Variants in SDK1 observed in about 807,000 individuals in gnomAD.
SDK1 encodes sidekick cell adhesion molecule 1, also known as protein sidekick-1.
In SDK1, 157 loss-of-function variants were observed where a neutral mutation model predicts 245.5. The ratio of observed to expected loss-of-function variants is 0.64; its 90% CI spans 0.56 to 0.73. The LOEUF is 0.73. Among genes scored for constraint, SDK1 ranks in the 30% least tolerant of loss-of-function variants. The pLI, the probability that SDK1 is intolerant of heterozygous loss-of-function variation, is 0.00. For missense variants in SDK1, 3,583 were observed against 3,002.3 expected, an observed-to-expected ratio of 1.19 and a Z score of -4.52; for synonymous variants, 1,647 against 1,278.5, an observed-to-expected ratio of 1.29 and a Z score of -6.15.
intron 25 of SDK1, among the ~76,000 whole-genome samples, chr7:4,126,079 G>A (rs1049353278): frequency 6.6e-6 from 1 of 152,202 alleles, no homozygotes. Context: ...GGGATATGGT[G>A]GACTTGAAGT....
At chr7:3,548,457 C>G (rs557906166) in intron 1 of SDK1, among the ~76,000 whole-genome samples, 7 of 152,202 alleles carry the variant, frequency 4.6e-5, no homozygotes, top group South Asian at 4.1e-4. Context: ...ATTACGAGTC[C>G]CAAAGATGAG....
At chr7:3,532,403 C>A (rs1348493531) in intron 1 of SDK1, among the ~76,000 whole-genome samples, 1 of 152,146 alleles carries the variant, frequency 6.6e-6, no homozygotes, top group Admixed American at 6.5e-5. Flanking sequence ...TGGCGCTTTG[C>A]TCTGGAAGGC....
intron 1 of SDK1, among the ~76,000 whole-genome samples, chr7:3,481,996 A>G (rs1358144649): frequency 6.7e-6 from 1 of 149,782 alleles, no homozygotes; most frequent in African/African-American, 2.5e-5. Flanking sequence ...CTTGAAAAAA[A>G]TATAATAAGG....
chr7:3,805,297 A>T (rs554274870), intron 4 of SDK1, among the ~76,000 whole-genome samples: 7 of 152,246 alleles, frequency 4.6e-5, no homozygotes, highest in African/African-American at 1.7e-4. Flanking sequence ...ATTCCTTGGT[A>T]TTTCCTGTGT....
At chr7:3,911,011 C>T (rs535165955) in intron 5 of SDK1, among the ~76,000 whole-genome samples, 5 of 152,302 alleles carry the variant, frequency 3.3e-5, no homozygotes, top group Admixed American at 6.5e-5. Context: ...TCTCCTCCAG[C>T]GCCACTGATG....
intron 5 of SDK1, among the ~76,000 whole-genome samples, chr7:3,839,116 A>G (rs1397390345): frequency 6.6e-6 from 1 of 152,156 alleles, no homozygotes. Flanking sequence ...CTTTCCTGGG[A>G]TGGATCCGCC....
rs907076109 is a variant in SDK1 at position 3,880,446 on chromosome 7, G to A, written c.847+58863G>A. ...AGCCTCAGCAGCAGGAGCCCGGCCCGCGGCGCCAACACCAGCGCCTCTCTG... is the reference window on the plus strand; with the variant it reads ...AGCCTCAGCAGCAGGAGCCCGGCCCACGGCGCCAACACCAGCGCCTCTCTG... On this transcript the variant is annotated intron_variant, in intron 5 of 44. Coordinates refer to ENST00000404826, the MANE Select transcript of SDK1 (RefSeq NM_152744.4). Among the ~76,000 whole-genome samples, 9 of 152,132 alleles carry A rather than the reference G, an allele frequency of 5.9e-5. No individual in the cohort carries two copies. In the South Asian group the frequency reaches 1.0e-3, roughly 18 times the overall value.
intron 4 of SDK1, among the ~76,000 whole-genome samples, chr7:3,818,243 A>G (rs902829610): frequency 2.0e-5 from 3 of 152,220 alleles, no homozygotes; most frequent in Admixed American, 1.3e-4. Context: ...CTCAGGCCAA[A>G]TATTGTAATT....
intron 1 of SDK1, among the ~76,000 whole-genome samples, chr7:3,510,193 T>A (rs1782534292): frequency 6.6e-6 from 1 of 152,212 alleles, no homozygotes; most frequent in African/African-American, 2.4e-5. Context: ...CAAACCATTA[T>A]GTGCTGCTAG....
chr7:3,809,749 C>T (rs572883981), intron 4 of SDK1, among the ~76,000 whole-genome samples: 3 of 152,324 alleles, frequency 2.0e-5, no homozygotes, highest in Non-Finnish European at 4.4e-5. Flanking sequence ...CCTCTGCGGG[C>T]AGCATCACGT....
At chr7:3,401,045 C>T (rs1276146514) in intron 1 of SDK1, among the ~76,000 whole-genome samples, 1 of 152,138 alleles carries the variant, frequency 6.6e-6, no homozygotes, top group Non-Finnish European at 1.5e-5. Flanking sequence ...CTGCGTGGGT[C>T]CCTGCTGCCA....
At chr7:3,516,178 TG>T (rs1440249159) in intron 1 of SDK1, among the ~76,000 whole-genome samples, 1 of 151,410 alleles carries the variant, frequency 6.6e-6, no homozygotes, top group Non-Finnish European at 1.5e-5. Context: ...CATATATACA[TG>T]CACATACATT....
chr7:4,244,191 G>A (rs978639356), intron 43 of SDK1, among the ~76,000 whole-genome samples: 11 of 152,150 alleles, frequency 7.2e-5, no homozygotes, highest in African/African-American at 2.4e-4. Context: ...TTCCTGGCCT[G>A]TAGCCTCTCC....
chr7:4,031,560 C>T (rs1279196151), intron 17 of SDK1, among the ~76,000 whole-genome samples: 2 of 151,508 alleles, frequency 1.3e-5, no homozygotes, highest in African/African-American at 2.4e-5. Context: ...GAAAACAGAC[C>T]AAATAAAGAC....
chr7:3,440,609 G>A (rs2128588271), intron 1 of SDK1, among the ~76,000 whole-genome samples: 1 of 152,284 alleles, frequency 6.6e-6, no homozygotes, highest in African/African-American at 2.4e-5. Flanking sequence ...GAGTAGTGTT[G>A]TTGGCAATTA....
intron 35 of SDK1, among the ~76,000 whole-genome samples, chr7:4,184,220 G>A (rs557064381): frequency 2.2e-4 from 34 of 152,234 alleles, no homozygotes; most frequent in African/African-American, 5.3e-4. Flanking sequence ...CCACAAACTC[G>A]TGGGCCCGAA....
chr7:3,701,752 T>C (rs569886965), intron 4 of SDK1, among the ~76,000 whole-genome samples: 11 of 152,054 alleles, frequency 7.2e-5, no homozygotes, highest in African/African-American at 1.4e-4. Context: ...TAATAAAAAC[T>C]GTGATATTGT....
chr7:4,258,503 C>G (rs930781481), intron 44 of SDK1, among the ~76,000 whole-genome samples: 1 of 152,168 alleles, frequency 6.6e-6, no homozygotes, highest in African/African-American at 2.4e-5. Context: ...ATATAAATAG[C>G]GTTTCTCTAT....
intron 1 of SDK1, among the ~76,000 whole-genome samples, chr7:3,435,597 T>C (rs1779999779): frequency 6.6e-6 from 1 of 152,028 alleles, no homozygotes; most frequent in Non-Finnish European, 1.5e-5. Flanking sequence ...ACTCCTGAGC[T>C]CAGGCAATCC....
Sources: gnomAD v4.1 joint callset for allele counts (sites outside exome capture counted in the v4.1 genomes callset) on GRCh38, gnomAD v4.1.1 for gene constraint, MANE v1.5 for transcripts, NCBI Gene and HGNC (gene_info 2026-07-23, HGNC 2026-07-21) for gene names.